ATCAY: variants seen among roughly 807,000 people sequenced by gnomAD.
The protein encoded by ATCAY is caytaxin.
A neutral mutation model predicts 47.7 loss-of-function variants in ATCAY; 22 were observed. The observed-to-expected ratio is 0.46, with a 90% confidence interval of 0.33 to 0.66. ATCAY has a LOEUF of 0.66. ATCAY is among the 30% of genes least tolerant of loss of function. The pLI is 0.02. For synonymous variants in ATCAY, 216 were observed against 207.6 expected (o/e 1.04, Z -0.35); for missense variants, 452 against 515.0 (o/e 0.88, Z 1.18).
chr19:3,886,186 C>T (rs1249062702), intron 2 of ATCAY, among the ~76,000 whole-genome samples: 5 of 152,312 alleles, frequency 3.3e-5, no homozygotes, highest in South Asian at 4.1e-4. Context: ...CGGCGGTTCA[C>T]GCCTGTAATC....
In ATCAY at chr19:3,887,702, G is replaced by A. The variant is rs530320309; in HGVS notation, c.77+1858G>A. ...GGGGTTTCACCATGTTAGCCAGGAT[G>A]GTCTCGATCGTCTGACCTCGTGATC... On this transcript the variant is annotated intron_variant, in intron 2 of 12. Coordinates refer to ENST00000450849, the MANE Select transcript of ATCAY (RefSeq NM_033064.5). Among the ~76,000 whole-genome samples the A allele has an allele frequency of 3.6e-4, 54 of 150,486 alleles. No homozygotes were observed. In the East Asian group the frequency reaches 6.3e-3, roughly 18 times the overall value.
chr19:3,885,118 A>AAC, intron 1 of ATCAY, among the ~76,000 whole-genome samples: 1 of 148,144 alleles, frequency 6.8e-6, no homozygotes, highest in East Asian at 2.0e-4. Flanking sequence ...TTAAAAAAAA[A>AAC]AAAAAAAAAA....
intron 2 of ATCAY, among the ~76,000 whole-genome samples, chr19:3,892,775 G>A (rs980111341): frequency 3.3e-4 from 50 of 152,026 alleles, no homozygotes; most frequent in Admixed American, 3.3e-3. Context: ...GGGTGTGGTG[G>A]CGGGCACCTG....
In ATCAY at chr19:3,885,886, G is replaced by A. The variant is rs1022486334; in HGVS notation, c.77+42G>A. 6 of 1,536,724 alleles carry A rather than the reference G, an allele frequency of 3.9e-6. No homozygotes were observed. In the Admixed American group the frequency reaches 1.2e-4, roughly 30 times the overall value. ...CCTGAGTCAACCGTTGGGGGAGCAG[G>A]TGTCTCTCCCAGGTGGGACACAGGA... On this transcript the variant is annotated intron_variant, in intron 2 of 12. Transcript: ENST00000450849.
At chr19:3,886,482 C>T (rs534691961) in intron 2 of ATCAY, among the ~76,000 whole-genome samples, 3 of 151,488 alleles carry the variant, frequency 2.0e-5, no homozygotes, top group African/African-American at 7.3e-5. Flanking sequence ...CCCAGCTACT[C>T]GGGAGGCTGA....
intron 2 of ATCAY, among the ~76,000 whole-genome samples, chr19:3,897,659 G>C (rs1430367132): frequency 6.6e-6 from 1 of 152,014 alleles, no homozygotes; most frequent in Non-Finnish European, 1.5e-5. Context: ...TGTAATCTCA[G>C]CACTTTGGGA....
At chr19:3,897,164 G>A (rs2038776856) in intron 2 of ATCAY, among the ~76,000 whole-genome samples, 1 of 151,836 alleles carries the variant, frequency 6.6e-6, no homozygotes. Flanking sequence ...AACTAGGCTT[G>A]GTGCATCAGC....
At chr19:3,885,884 A>C (rs1411877101) in intron 2 of ATCAY, 40 bp downstream of exon 2, 2 of 1,537,344 alleles carry the variant, frequency 1.3e-6, no homozygotes, top group South Asian at 2.4e-5. Context: ...TTGGGGGAGC[A>C]GGTGTCTCTC....
chr19:3,913,654 T>G (rs1415231582), intron 8 of ATCAY, 104 bp from the exon 9 acceptor site: 1 of 786,462 alleles, frequency 1.3e-6, no homozygotes, highest in East Asian at 2.7e-5. Flanking sequence ...CATCCTGGAG[T>G]GGGGTCCTGT....
chr19:3,919,202 C>G (rs967998496), intron 11 of ATCAY, among the ~76,000 whole-genome samples: 9 of 151,372 alleles, frequency 5.9e-5, no homozygotes, highest in African/African-American at 2.2e-4. Flanking sequence ...CGCTTGAACC[C>G]AGGGGGCAGA....
intron 2 of ATCAY, among the ~76,000 whole-genome samples, chr19:3,895,590 G>A (rs2038762297): frequency 1.3e-5 from 2 of 152,032 alleles, no homozygotes; most frequent in African/African-American, 4.8e-5. Context: ...TGGATGGAGT[G>A]GCAGGGCTGG....
chr19:3,897,830 C>A (rs1005591971), intron 2 of ATCAY, among the ~76,000 whole-genome samples: 1 of 152,068 alleles, frequency 6.6e-6, no homozygotes, highest in African/African-American at 2.4e-5. Flanking sequence ...ATCGCCTAAA[C>A]CCGGGAGATG....
At chr19:3,885,940 C>A (rs1175276472) in intron 2 of ATCAY, 96 bp downstream of exon 2, 6 of 1,258,794 alleles carry the variant, frequency 4.8e-6, no homozygotes, top group Non-Finnish European at 6.8e-6. Context: ...TAAGTGGGAA[C>A]CGCCCGGGGC....
chr19:3,917,642 A>G (rs2038978175), intron 9 of ATCAY, 100 bp from the exon 10 acceptor site: 2 of 1,283,810 alleles, frequency 1.6e-6, no homozygotes, highest in African/African-American at 1.5e-5. Flanking sequence ...GAAAGAAAAA[A>G]GAGAGCTTGT....
chr19:3,895,029 C>T, intron 2 of ATCAY: 3 of 424,192 alleles, frequency 7.1e-6, no homozygotes, highest in Non-Finnish European at 9.6e-6. Context: ...CTCTCTCTCT[C>T]CTCTCCTTTA....
chr19:3,916,941 G>A (rs2038971338), intron 9 of ATCAY, among the ~76,000 whole-genome samples: 1 of 151,638 alleles, frequency 6.6e-6, no homozygotes, highest in South Asian at 2.1e-4. Flanking sequence ...CCGAATAGCT[G>A]GGATTACAGG....
rs548256146 is a variant in ATCAY, at chr19:3,907,795, C to T, written c.420C>T (p.Asp140=). The T allele has an allele frequency of 5.1e-5, 82 of 1,613,974 alleles. 2 individuals are homozygous for T. The Middle Eastern group carries it at 4.0e-3, about 78-fold the overall frequency. Reference sequence around the variant, plus strand: ...GGGACAGCGCGGATCTATTTGGGGACGGCACGACGGAGGACGGCAGCGCCG... The same window carrying T: ...GGGACAGCGCGGATCTATTTGGGGATGGCACGACGGAGGACGGCAGCGCCG... ...MPGDSADLFG[D]GTTEDGSAAN... The change falls in exon 5 of 13, where the codon GAC becomes GAT. Residue 140 remains aspartate (D), a synonymous_variant. Coordinates refer to ENST00000450849, the MANE Select transcript of ATCAY (RefSeq NM_033064.5). This position sits in a 1 kb window ranked among gnomAD's most constrained non-coding sequence, Gnocchi z 5.1.
At chr19:3,914,330 C>T (rs895613748) in intron 9 of ATCAY, among the ~76,000 whole-genome samples, 11 of 151,174 alleles carry the variant, frequency 7.3e-5, no homozygotes, top group Non-Finnish European at 1.5e-4. Context: ...TCTCCCATGG[C>T]GGCAGAGAAG....
intron 2 of ATCAY, among the ~76,000 whole-genome samples, chr19:3,887,718 C>T (rs1212166565): frequency 6.6e-6 from 1 of 150,594 alleles, no homozygotes; most frequent in African/African-American, 2.4e-5. Flanking sequence ...GATCGTCTGA[C>T]CTCGTGATCC....
Sources: allele counts gnomAD v4.1 joint callset (sites outside exome capture counted in the v4.1 genomes callset), GRCh38; gene constraint gnomAD v4.1.1; non-coding constraint Gnocchi (gnomAD v3.1); transcripts MANE v1.5; gene names NCBI Gene and HGNC (gene_info 2026-07-23, HGNC 2026-07-21).